Variants in KSR2 observed in about 807,000 individuals in gnomAD.
KSR2 encodes kinase suppressor of ras 2.
A neutral mutation model predicts 107.8 loss-of-function variants in KSR2; 25 were observed. The observed-to-expected ratio is 0.23, with a 90% CI of 0.17 to 0.32. KSR2 has a LOEUF of 0.32. Ranked by LOEUF, KSR2 falls within the 10% of genes least tolerant of loss-of-function variation. The pLI is 1.00. For synonymous variants in KSR2, 480 were observed against 507.0 expected, an observed-to-expected ratio of 0.95 and a Z score of 0.71; for missense variants, 887 against 1,268.9, an observed-to-expected ratio of 0.70 and a Z score of 4.57.
chr12:117,573,659 C>T (rs905484415), intron 7 of KSR2, among the ~76,000 whole-genome samples: 3 of 151,248 alleles, frequency 2.0e-5, no homozygotes, highest in Non-Finnish European at 4.4e-5. Context: ...TCCTGAGTAG[C>T]TGGGATTACA....
chr12:117,827,932 T>C (rs1566035308), intron 3 of KSR2, among the ~76,000 whole-genome samples: 1 of 152,192 alleles, frequency 6.6e-6, no homozygotes, highest in Non-Finnish European at 1.5e-5. Context: ...GCATTATTCT[T>C]ATGTATGACC....
At chr12:117,679,452 T>C (rs1325043646) in intron 4 of KSR2, among the ~76,000 whole-genome samples, 1 of 152,222 alleles carries the variant, frequency 6.6e-6, no homozygotes, top group Non-Finnish European at 1.5e-5. Flanking sequence ...TGCACTGTGT[T>C]CTTACACTTC....
intron 5 of KSR2, among the ~76,000 whole-genome samples, chr12:117,624,327 A>C (rs1239939710): frequency 6.6e-6 from 1 of 152,122 alleles, no homozygotes; most frequent in Admixed American, 6.5e-5. Context: ...TGTATTGCCT[A>C]GGTTTTCTTC....
chr12:117,491,018 T>C (rs1295663395), intron 14 of KSR2, among the ~76,000 whole-genome samples: 1 of 152,180 alleles, frequency 6.6e-6, no homozygotes, highest in Non-Finnish European at 1.5e-5. Context: ...AATAGATCTC[T>C]TGAACTTATT....
At position 117,627,337 on chromosome 12, in the gene KSR2, AC is replaced by A. The variant is rs542493472; in HGVS notation, c.1171+40136del. 5.0e-3 allele frequency among the ~76,000 whole-genome samples: 764 copies of A among 152,312 alleles called. 3 individuals carry two copies. Among genetic ancestry groups the A allele is most frequent in the Non-Finnish European group, 7.3e-3 (496 of 68,030 alleles). On this transcript the variant is annotated intron_variant, in intron 5 of 19. Transcript: ENST00000339824. Reference sequence around the variant, plus strand: ...TTGGCATGTTTTTGCAGTGGCTGGTACCAGTTACTTCTTTCCATGTTTAGTG... The same window carrying A: ...TTGGCATGTTTTTGCAGTGGCTGGTACAGTTACTTCTTTCCATGTTTAGTG...
chr12:117,553,994 C>A (rs1877491271), intron 9 of KSR2, among the ~76,000 whole-genome samples: 1 of 152,184 alleles, frequency 6.6e-6, no homozygotes. Flanking sequence ...GTACGGCCTG[C>A]AGAACTGAGA....
intron 10 of KSR2, among the ~76,000 whole-genome samples, chr12:117,538,979 G>GA (rs372760906): frequency 2.0e-3 from 301 of 150,954 alleles, no homozygotes; most frequent in South Asian, 0.019. Context: ...CTACCTGAAG[G>GA]AAAAAAAAAT....
chr12:117,834,366 G>A (rs1005547317), intron 3 of KSR2, among the ~76,000 whole-genome samples: 3 of 142,822 alleles, frequency 2.1e-5, no homozygotes, highest in African/African-American at 7.9e-5. Flanking sequence ...GGCACCGTAT[G>A]TTACTGACTT....
At chr12:117,791,617 CATG>C (rs1311032626) in intron 3 of KSR2, among the ~76,000 whole-genome samples, 1 of 152,116 alleles carries the variant, frequency 6.6e-6, no homozygotes, top group Non-Finnish European at 1.5e-5. Context: ...CAAGGAGTGA[CATG>C]ATGAGAGGTG....
chr12:117,713,293 T>C (rs1234273174), intron 4 of KSR2, among the ~76,000 whole-genome samples: 1 of 152,082 alleles, frequency 6.6e-6, no homozygotes, highest in Non-Finnish European at 1.5e-5. Flanking sequence ...ATATCAATTA[T>C]CATTATCCAT....
rs182653686 is a variant in KSR2 at position 117,713,526 on chromosome 12, A to T, written c.987-45868T>A. 1.4e-3 allele frequency among the ~76,000 whole-genome samples: 208 copies of T among 152,312 alleles called. 1 individual carries two copies. Among genetic ancestry groups the T allele is most frequent in the Non-Finnish European group, 2.6e-3 (179 of 68,020 alleles). On this transcript the variant is annotated intron_variant, in intron 4 of 19. Coordinates refer to ENST00000339824, the MANE Select transcript of KSR2 (RefSeq NM_173598.6). ...TAAGAGCAATGACTTTGGGACTAAA[A>T]TTGGGGCAGGAGGGAATGGGGGCTT...
rs1405369409 is a variant in KSR2 at position 117,461,406 on chromosome 12, T to C, written c.*5793A>G. On this transcript the variant is annotated 3_prime_UTR_variant, in exon 20 of 20. Transcript: ENST00000339824. ...CCTTCTAACTCCCTGTGCCAGGGTC[T>C]TACTCTTACCCAGCAAACCTCTCTG... 2.0e-5 allele frequency: 3 copies of C among 152,258 alleles called. No homozygotes were observed. The highest frequency in any genetic ancestry group is 6.5e-5 in the Admixed American group (1 of 15,276). 9.4% of individuals were successfully genotyped at this position (152,258 alleles called of 1,614,324 possible).
At chr12:117,936,371 C>T (rs182168538) in intron 1 of KSR2, among the ~76,000 whole-genome samples, 7 of 151,758 alleles carry the variant, frequency 4.6e-5, no homozygotes, top group South Asian at 4.2e-4. Flanking sequence ...CTGTTGCCCA[C>T]GCTGGAATGC....
At chr12:117,752,305 C>T (rs557023033) in intron 4 of KSR2, among the ~76,000 whole-genome samples, 10 of 152,286 alleles carry the variant, frequency 6.6e-5, no homozygotes, top group African/African-American at 9.6e-5. Flanking sequence ...AAACTACACA[C>T]GTCTGAACAC....
intron 4 of KSR2, among the ~76,000 whole-genome samples, chr12:117,726,910 A>G (rs1887448849): frequency 6.6e-6 from 1 of 152,200 alleles, no homozygotes; most frequent in Non-Finnish European, 1.5e-5. Flanking sequence ...TCAACCTGGA[A>G]GCACTCCAGA....
At chr12:117,564,881 C>G (rs1878364308) in intron 7 of KSR2, among the ~76,000 whole-genome samples, 1 of 152,186 alleles carries the variant, frequency 6.6e-6, no homozygotes, top group South Asian at 2.1e-4. Context: ...TTTTGAAAGG[C>G]TATTTCTATT....
At chr12:117,929,694 G>GTGAT in intron 1 of KSR2, among the ~76,000 whole-genome samples, 1 of 152,346 alleles carries the variant, frequency 6.6e-6, no homozygotes, top group East Asian at 1.9e-4. Flanking sequence ...GAATGAAGTA[G>GTGAT]TGATATGTGC....
intron 4 of KSR2, among the ~76,000 whole-genome samples, chr12:117,733,347 G>C (rs1411753690): frequency 6.6e-6 from 1 of 152,142 alleles, no homozygotes; most frequent in Non-Finnish European, 1.5e-5. Context: ...CATGATGCCT[G>C]CTATTCTCCT....
At chr12:117,546,235 T>G (rs1565894106) in intron 9 of KSR2, among the ~76,000 whole-genome samples, 1 of 152,242 alleles carries the variant, frequency 6.6e-6, no homozygotes, top group Non-Finnish European at 1.5e-5. Context: ...ATTTTCACTA[T>G]GCATGGAATT....
Sources: gnomAD v4.1 joint callset for allele counts (sites outside exome capture counted in the v4.1 genomes callset) on GRCh38, gnomAD v4.1.1 for gene constraint, MANE v1.5 for transcripts, NCBI Gene and HGNC (gene_info 2026-07-23, HGNC 2026-07-21) for gene names.